ZFAT: variants seen among roughly 807,000 people sequenced by gnomAD.
ZFAT encodes the protein zinc finger protein ZFAT.
Under a neutral mutation model 117.7 loss-of-function variants are expected in ZFAT, and 64 were observed. The observed-to-expected ratio is 0.54, with a 90% CI of 0.44 to 0.67. The LOEUF (loss-of-function observed/expected upper bound fraction) is 0.67, where lower values mean the gene tolerates loss of function less well. ZFAT is among the 30% of genes least tolerant of loss of function. ZFAT has a pLI of 0.00. For synonymous variants in ZFAT, 679 were observed against 615.0 expected (o/e 1.10, Z -1.54); for missense variants, 1,433 against 1,584.5 (o/e 0.90, Z 1.62).
Position 134,635,909 on chromosome 8 carries a change from G to A in ZFAT, c.448+1552C>T, listed in dbSNP as rs144072378. Among the ~76,000 whole-genome samples the A allele has an allele frequency of 1.2e-4, 18 of 152,262 alleles. No homozygotes were observed. The East Asian group carries it at 2.5e-3, about 21-fold the overall frequency. ...CACTCCGGGCCTACAGCTCTCACAC[G>A]GCAATTACTCAGGCTCCATTTAGGG... On this transcript the variant is annotated intron_variant, in intron 3 of 15. Transcript: ENST00000377838.
At chr8:134,549,372 C>T (rs985625567) in intron 11 of ZFAT, among the ~76,000 whole-genome samples, 4 of 148,232 alleles carry the variant, frequency 2.7e-5, no homozygotes, top group South Asian at 2.2e-4. Flanking sequence ...ACCTAGGAGG[C>T]GGAGCTTGCA....
chr8:134,591,382 G>C (rs1826491303), intron 7 of ZFAT, among the ~76,000 whole-genome samples: 1 of 152,230 alleles, frequency 6.6e-6, no homozygotes. Context: ...TTCACAGCCA[G>C]GGCCACCATG....
chr8:134,696,719 A>C (rs1225577427), intron 1 of ZFAT, among the ~76,000 whole-genome samples: 1 of 152,132 alleles, frequency 6.6e-6, no homozygotes, highest in Non-Finnish European at 1.5e-5. Flanking sequence ...CAGACCAACC[A>C]GCACTCCGAG....
At chr8:134,495,613 C>T (rs924242216) in intron 15 of ZFAT, among the ~76,000 whole-genome samples, 3 of 152,152 alleles carry the variant, frequency 2.0e-5, no homozygotes, top group Admixed American at 6.5e-5. Context: ...CCTCCCTGGA[C>T]CAAGCAATAA....
chr8:134,767,222 A>G, the ZFAT span: 1 of 152,252 alleles, frequency 6.6e-6, no homozygotes, highest in South Asian at 2.1e-4. Flanking sequence ...ATACACATCC[A>G]CTAGATTGTT....
rs1477001323 is a variant in ZFAT at position 134,487,922 on chromosome 8, C to T, written c.3493-9201G>A. Among the ~76,000 whole-genome samples, 7 of 152,248 alleles carry T rather than the reference C, an allele frequency of 4.6e-5. No homozygotes were observed. The East Asian group carries it at 1.3e-3, about 29-fold the overall frequency. ...TGAATGCTGCTTCTCGAATGAATCACTGGGATAAAGAGTGCAGAGTGGAAG... is the reference window on the plus strand; with the variant it reads ...TGAATGCTGCTTCTCGAATGAATCATTGGGATAAAGAGTGCAGAGTGGAAG... On this transcript the variant is annotated intron_variant, in intron 15 of 15. Transcript: ENST00000377838.
intron 1 of ZFAT, among the ~76,000 whole-genome samples, chr8:134,706,354 T>G (rs1834151995): frequency 6.6e-6 from 1 of 152,204 alleles, no homozygotes; most frequent in Admixed American, 6.5e-5. Context: ...AAGAATTATA[T>G]GATGTTCTAT....
At chr8:134,589,825 T>C (rs1311137577) in intron 8 of ZFAT, among the ~76,000 whole-genome samples, 1 of 152,246 alleles carries the variant, frequency 6.6e-6, no homozygotes, top group Non-Finnish European at 1.5e-5. Flanking sequence ...CCCAGGTAGC[T>C]GGTGCCTCAT....
chr8:134,533,105 A>C, intron 11 of ZFAT, 133 bp from the exon 12 acceptor site: 3 of 1,351,662 alleles, frequency 2.2e-6, no homozygotes, highest in Non-Finnish European at 3.0e-6. Context: ...GATATGTTCT[A>C]GGGAAAACCA....
At chr8:134,488,112 G>A (rs1254032317) in intron 15 of ZFAT, among the ~76,000 whole-genome samples, 2 of 152,212 alleles carry the variant, frequency 1.3e-5, no homozygotes, top group African/African-American at 4.8e-5. Context: ...GGTTCCAGGG[G>A]GACGTCTAGG....
At chr8:134,788,610 C>T in the ZFAT span, among the ~76,000 whole-genome samples, 1 of 152,002 alleles carries the variant, frequency 6.6e-6, no homozygotes, top group Non-Finnish European at 1.5e-5. Context: ...AAGTTCAGAT[C>T]CTCTGCATCT....
chr8:134,756,175 C>T, the ZFAT span, among the ~76,000 whole-genome samples: 1 of 152,218 alleles, frequency 6.6e-6, no homozygotes, highest in South Asian at 2.1e-4. Flanking sequence ...TGGCATAAGC[C>T]TCAGTGAGCT....
intron 1 of ZFAT, among the ~76,000 whole-genome samples, chr8:134,699,925 G>C (rs1280576118): frequency 6.6e-6 from 1 of 152,194 alleles, no homozygotes; most frequent in Admixed American, 6.5e-5. Flanking sequence ...CGCACCCGTG[G>C]GGAGCTAAGT....
the ZFAT span, among the ~76,000 whole-genome samples, chr8:134,724,247 A>G: frequency 6.6e-6 from 1 of 152,202 alleles, no homozygotes; most frequent in African/African-American, 2.4e-5. Context: ...TTGGGTAGGC[A>G]TCTTGAGAGG....
chr8:134,712,732 G>T, intron 1 of ZFAT, 113 bp downstream of exon 1: 1 of 947,686 alleles, frequency 1.1e-6, no homozygotes, highest in South Asian at 2.1e-5. Context: ...GCCGGCGGCC[G>T]GCGGCCGGCG....
chr8:134,484,952 G>T (rs1392625462), intron 15 of ZFAT, among the ~76,000 whole-genome samples: 1 of 152,088 alleles, frequency 6.6e-6, no homozygotes, highest in African/African-American at 2.4e-5. Context: ...GATGAACAAA[G>T]AAAGCAGTAA....
At chr8:134,712,741 C>CGGCCGGCGGCCGGCGGG in intron 1 of ZFAT, 104 bp downstream of exon 1, 1 of 1,170,494 alleles carries the variant, frequency 8.5e-7, no homozygotes, top group Non-Finnish European at 1.1e-6. Flanking sequence ...CGGCGGCCGG[C>CGGCCGGCGGCCGGCGGG]GGCCGGCGCA....
chr8:134,520,023 T>C (rs1403891409), intron 13 of ZFAT, among the ~76,000 whole-genome samples: 2 of 152,220 alleles, frequency 1.3e-5, no homozygotes, highest in African/African-American at 4.8e-5. Context: ...TCATGATGTA[T>C]TATTTTTTTC....
In ZFAT at chr8:134,610,470, C is replaced by T. The variant is rs776590400; in HGVS notation, c.634G>A (p.Gly212Ser). 1 of 1,612,774 alleles carries T rather than the reference C, an allele frequency of 6.2e-7. No homozygotes were observed. The highest frequency in any genetic ancestry group is 1.7e-5 in the Admixed American group (1 of 59,760). ...VVLTAHEAIPGATKIVPVEAG... is the reference protein window; with the variant it reads ...VVLTAHEAIPSATKIVPVEAG... The stretch of plus-strand genomic sequence containing the variant: ...TTCCTTTCCCGCTTGGTGCAGTCAC[C>T]TGGAATTGCTTCGTGTGCAGTTAAA... The change falls in exon 4 of 16, where the codon GGT becomes AGT. Residue 212 changes from glycine to serine, a missense_variant and splice_region_variant. Transcript: ENST00000377838.
Sources: allele counts gnomAD v4.1 joint callset (sites outside exome capture counted in the v4.1 genomes callset), GRCh38; gene constraint gnomAD v4.1.1; transcripts MANE v1.5; gene names NCBI Gene and HGNC (gene_info 2026-07-23, HGNC 2026-07-21).